Variants in FHOD1 observed in about 807,000 individuals in gnomAD.
The protein encoded by FHOD1 is formin homology 2 domain containing 1.
In FHOD1, 89 loss-of-function variants were observed where a neutral mutation model predicts 111.6. The ratio of observed to expected loss-of-function variants is 0.80; its 90% confidence interval spans 0.67 to 0.95. The LOEUF (loss-of-function observed/expected upper bound fraction) is 0.95, where lower values mean the gene tolerates loss of function less well. FHOD1 is among the 40% of genes least tolerant of loss of function. FHOD1 has a pLI of 0.00. For synonymous variants in FHOD1, 618 were observed against 639.0 expected (o/e 0.97, Z 0.50); for missense variants, 1,446 against 1,554.2 (o/e 0.93, Z 1.17).
In FHOD1 at chr16:67,234,058, G is replaced by T; in HGVS notation, c.1645C>A (p.Leu549Ile). The change falls in exon 13 of 22, where the codon CTA becomes ATA. Residue 549 changes from leucine (L) to isoleucine (I), a missense_variant. By Grantham distance (5) the Leu-to-Ile change is conservative. Around this residue, in one of 3 missense-constraint regions of FHOD1, gnomAD observed 1,085 missense variants for 1,108.8 expected, o/e 0.98. Transcript: ENST00000258201. ...LSIGDLDFSD[L>I]GEDEDQDMLN... The stretch of plus-strand genomic sequence containing the variant: ...ATGTCCTGGTCTTCATCCTCCCCTA[G>T]ATCTGAAAAGTCCAGGTCCCCAATA... 2.5e-6 allele frequency: 4 copies of T among 1,613,496 alleles called. No homozygotes were observed. The highest frequency in any genetic ancestry group is 3.4e-6 in the Non-Finnish European group (4 of 1,179,728).
In FHOD1 at chr16:67,231,892, C is replaced by G; in HGVS notation, c.2203-73G>C. Reference sequence around the variant, plus strand: ...AGGCCTGAGGCATTGGTCTTGACCCCTCAGTCATCTAGGGGAGGCCCCAGT... The same window carrying G: ...AGGCCTGAGGCATTGGTCTTGACCCGTCAGTCATCTAGGGGAGGCCCCAGT... On this transcript the variant is annotated intron_variant, in intron 14 of 21. Coordinates refer to ENST00000258201, the MANE Select transcript of FHOD1 (RefSeq NM_013241.3). This position sits in a 1 kb window ranked among gnomAD's most constrained non-coding sequence, Gnocchi z 4.3. 1 of 1,554,060 alleles carries G rather than the reference C, an allele frequency of 6.4e-7. No individual in the cohort carries two copies. Among genetic ancestry groups the G allele is most frequent in the Non-Finnish European group, 8.7e-7 (1 of 1,146,904 alleles).
chr16:67,235,341 C>A (rs1379078260), intron 11 of FHOD1, among the ~76,000 whole-genome samples: 1 of 151,958 alleles, frequency 6.6e-6, no homozygotes, highest in African/African-American at 2.4e-5. Flanking sequence ...ACCAGCCTGG[C>A]CAACATGGTG....
rs941580259 is a variant in FHOD1 at position 67,238,708 on chromosome 16, C to T, written c.373+195G>A. 3.0e-5 allele frequency: 20 copies of T among 664,188 alleles called. No individual in the cohort carries two copies. Among genetic ancestry groups the T allele is most frequent in the African/African-American group, 1.4e-4 (8 of 55,674 alleles). The allele number at this position is 664,188 out of a possible 1,614,324, so 41.1% of individuals were successfully genotyped here. A position where few individuals can be genotyped will look rare whatever the true frequency, so the allele number is the denominator to read the frequency against. ...CTGGCATTGGAGGCATGAGCTACCA[C>T]GCCTGGTCTATTCTAACATTCTTGA... On this transcript the variant is annotated intron_variant, in intron 3 of 21. Transcript: ENST00000258201. This position sits in a 1 kb window ranked among gnomAD's most constrained non-coding sequence, Gnocchi z 4.2.
chr16:67,236,685 G>C lies in FHOD1; in HGVS notation c.1191C>G (p.Pro397=), dbSNP rs1307931402. The stretch of plus-strand genomic sequence containing the variant: ...TGGAGGCGGGGCCTGTCAGCAGGGC[G>C]GGGCCGGTGGAAGAGGTGGGGCCTA... ...SPVGPTSSTG[P]ALLTGPASSP... The change falls in exon 11 of 22, where the codon CCC becomes CCG. Residue 397 remains proline (P), a synonymous_variant. Transcript: ENST00000258201. The C allele has an allele frequency of 1.3e-6, 2 of 1,594,172 alleles. No individual in the cohort carries two copies. Among genetic ancestry groups the C allele is most frequent in the East Asian group, 4.5e-5 (2 of 44,240 alleles).
At chr16:67,240,603 C>T (rs188324652) in intron 1 of FHOD1, among the ~76,000 whole-genome samples, 2 of 152,372 alleles carry the variant, frequency 1.3e-5, no homozygotes, top group Admixed American at 1.3e-4. Context: ...GCCTTTGTAA[C>T]AAGCAGGCAC....
chr16:67,244,941 G>A (rs758430914), intron 1 of FHOD1, among the ~76,000 whole-genome samples: 7 of 152,190 alleles, frequency 4.6e-5, no homozygotes, highest in Admixed American at 6.5e-5. Flanking sequence ...AGGACTACGG[G>A]AGGAACCAGC....
At position 67,231,173 on chromosome 16, in the gene FHOD1, C is replaced by G. The variant is rs774565957; in HGVS notation, c.2667+15G>C. ...ATGCCTTGTCCGGCCTTGGTTGATT[C>G]TGGCAGGTGCTAACCTTGGCACAGC... On this transcript the variant is annotated intron_variant, in intron 17 of 21. Transcript: ENST00000258201. The surrounding 1 kb of genome is among the most constrained non-coding windows in gnomAD (Gnocchi z 4.3). 6.2e-7 allele frequency: 1 copy of G among 1,613,398 alleles called. No homozygotes were observed. The highest frequency in any genetic ancestry group is 8.5e-7 in the Non-Finnish European group (1 of 1,179,588).
Position 67,233,853 on chromosome 16 carries a change from C to G in FHOD1, c.1850G>C (p.Ser617Thr). 6.3e-7 allele frequency: 1 copy of G among 1,590,786 alleles called. No homozygotes were observed. Among genetic ancestry groups the G allele is most frequent in the Middle Eastern group, 1.7e-4 (1 of 5,956 alleles). Residue 617 changes from serine to threonine, a missense_variant, in exon 13 of 22, where the codon AGC (serine) becomes ACC (threonine). Physicochemically the swap from Ser to Thr is moderately conservative, Grantham distance 58. This residue lies in a region of FHOD1 where 1,085 missense variants were observed against 1,108.8 expected (regional missense o/e 0.98). Coordinates refer to ENST00000258201, the MANE Select transcript of FHOD1 (RefSeq NM_013241.3). ...AAPLPHSVPD[S>T]SALPTKRKTV... is the part of the protein sequence containing the mutation. ...CTTCCTCTTAGTGGGGAGGGCTGAGCTGTCAGGCACTGAATGGGGAAGAGG... is the reference window on the plus strand; with the variant it reads ...CTTCCTCTTAGTGGGGAGGGCTGAGGTGTCAGGCACTGAATGGGGAAGAGG...
At chr16:67,236,030 C>T (rs999916791) in intron 11 of FHOD1, 60 of 984,742 alleles carry the variant, frequency 6.1e-5, no homozygotes, top group Non-Finnish European at 6.9e-5. Flanking sequence ...GCCTGGCCTG[C>T]CCAGGAGGGG....
Position 67,233,840 on chromosome 16 carries a change from G to A in FHOD1, c.1863C>T (p.Pro621=). ...PHSVPDSSAL[P]TKRKTVKLFW... ...AAAGTTTTACTGTCTTCCTCTTAGT[G>A]GGGAGGGCTGAGCTGTCAGGCACTG... Residue 621 remains proline, a synonymous_variant, in exon 13 of 22, where the codon CCC becomes CCT. Transcript: ENST00000258201. 1 of 1,612,128 alleles carries A rather than the reference G, an allele frequency of 6.2e-7. No individual in the cohort carries two copies. The highest frequency in any genetic ancestry group is 8.5e-7 in the Non-Finnish European group (1 of 1,179,260).
intron 11 of FHOD1, chr16:67,234,744 G>A: frequency 2.3e-6 from 1 of 435,178 alleles, no homozygotes; most frequent in Non-Finnish European, 4.1e-6. Flanking sequence ...CCTCGTTCAT[G>A]TTCACTGTCC....
chr16:67,241,113 G>GAC (rs1567395042), intron 1 of FHOD1, among the ~76,000 whole-genome samples: 2 of 102,576 alleles, frequency 1.9e-5, no homozygotes, highest in African/African-American at 8.0e-5. Context: ...GCCCTTGGAT[G>GAC]ACCCCCCCCC....
In FHOD1 at chr16:67,237,273, T is replaced by TCAGTGCCCG. The variant is rs1218517796; in HGVS notation, c.950_958dup (p.Ala317_Thr319dup). 1.2e-6 allele frequency: 2 copies of TCAGTGCCCG among 1,613,796 alleles called. No individual in the cohort carries two copies. Among genetic ancestry groups the TCAGTGCCCG allele is most frequent in the African/African-American group, 2.7e-5 (2 of 74,936 alleles). ...CACAAGCTGCGTGCGCAGGTCGACG[T>TCAGTGCCCG]CAGTGCCCGCAGTGCCCAGGTGGCG... On this transcript the variant is annotated inframe_insertion, in exon 9 of 22. Coordinates refer to ENST00000258201, the MANE Select transcript of FHOD1 (RefSeq NM_013241.3). The surrounding 1 kb of genome is among the most constrained non-coding windows in gnomAD (Gnocchi z 5.6).
In FHOD1 at chr16:67,229,581, G is replaced by T; in HGVS notation, c.*55C>A. ...TTCTGCTCTGGGCCCTCCTCACTCT[G>T]TCATCTCCTGCACTGCAGTCCAGGG... On this transcript the variant is annotated 3_prime_UTR_variant, in exon 22 of 22. Transcript: ENST00000258201. 1 of 1,506,122 alleles carries T rather than the reference G, an allele frequency of 6.6e-7. No individual in the cohort carries two copies. The highest frequency in any genetic ancestry group is 9.2e-7 in the Non-Finnish European group (1 of 1,081,694). The allele number at this position is 1,506,122 out of a possible 1,614,324, so 93.3% of individuals were successfully genotyped here. A position where few individuals can be genotyped will look rare whatever the true frequency, so the allele number is the denominator to read the frequency against.
chr16:67,235,491 C>T (rs2034442355), intron 11 of FHOD1, among the ~76,000 whole-genome samples: 2 of 149,618 alleles, frequency 1.3e-5, no homozygotes, highest in Middle Eastern at 3.2e-3. Flanking sequence ...GATCACACCA[C>T]TGCACTCCAG....
At chr16:67,232,392 A>C (rs1483850088) in intron 13 of FHOD1, among the ~76,000 whole-genome samples, 198 bp from the exon 14 acceptor site, 4 of 151,694 alleles carry the variant, frequency 2.6e-5, no homozygotes, top group Non-Finnish European at 2.9e-5. Flanking sequence ...GGTGGCGGGC[A>C]CCTGTAGTCC....
At position 67,230,767 on chromosome 16, in the gene FHOD1, T is replaced by A. The variant is rs1401759543; in HGVS notation, c.2692A>T (p.Asn898Tyr). ...AKVDFEQLTE[N>Y]LGQLERRSRA... is the part of the protein sequence containing the mutation. The stretch of plus-strand genomic sequence containing the variant: ...CTCCGGCGCTCCAGCTGCCCCAGGT[T>A]CTCAGTCAGCTGTTCAAAGTCCACC... Residue 898 changes from asparagine to tyrosine, a missense_variant, in exon 18 of 22, where the codon AAC becomes TAC. By Grantham distance (143) the Asn-to-Tyr change is moderately radical. Around this residue, in one of 3 missense-constraint regions of FHOD1, gnomAD observed 1,085 missense variants for 1,108.8 expected, o/e 0.98. Transcript: ENST00000258201. 1.2e-6 allele frequency: 2 copies of A among 1,603,788 alleles called. No individual in the cohort carries two copies. The highest frequency in any genetic ancestry group is 2.7e-5 in the African/African-American group (2 of 74,812).
At chr16:67,233,071 CATTT>C (rs1463347926) in intron 13 of FHOD1, among the ~76,000 whole-genome samples, 1 of 146,432 alleles carries the variant, frequency 6.8e-6, no homozygotes, top group Non-Finnish European at 1.5e-5. Flanking sequence ...TTTTTTTTAA[CATTT>C]ATTTATTTTT....
chr16:67,235,351 G>A (rs2034437346), intron 11 of FHOD1, among the ~76,000 whole-genome samples: 2 of 152,034 alleles, frequency 1.3e-5, no homozygotes, highest in African/African-American at 4.8e-5. Flanking sequence ...CCAACATGGT[G>A]AAACCCTGTC....
Sources: allele counts gnomAD v4.1 joint callset (sites outside exome capture counted in the v4.1 genomes callset), GRCh38; gene constraint gnomAD v4.1.1; regional missense constraint gnomAD v4.1.1; non-coding constraint Gnocchi (gnomAD v3.1); transcripts MANE v1.5; gene names NCBI Gene and HGNC (gene_info 2026-07-23, HGNC 2026-07-21).